SUDS3: variants seen among roughly 807,000 people sequenced by gnomAD.
SUDS3 encodes the protein sin3 histone deacetylase corepressor complex component SDS3.
In SUDS3, 23 loss-of-function variants were observed where a neutral mutation model predicts 53.5. That is an observed-to-expected ratio of 0.43 (90% CI 0.31 to 0.61). The LOEUF is 0.61. Ranked by LOEUF, SUDS3 falls within the 20% of genes least tolerant of loss-of-function variation. SUDS3 has a pLI of 0.10. For synonymous variants in SUDS3, 150 were observed against 148.5 expected (o/e 1.01, Z -0.08); for missense variants, 291 against 405.9 (o/e 0.72, Z 2.43).
At chr12:118,376,968 GC>G in intron 1 of SUDS3, 135 bp downstream of exon 1, 1 of 1,185,928 alleles carries the variant, frequency 8.4e-7, no homozygotes, top group Non-Finnish European at 1.1e-6. Flanking sequence ...GAGTTGCGGG[GC>G]TCGGGGAAGT....
intron 2 of SUDS3, among the ~76,000 whole-genome samples, chr12:118,383,039 C>T (rs540911350): frequency 6.6e-6 from 1 of 152,152 alleles, no homozygotes; most frequent in Non-Finnish European, 1.5e-5. Context: ...AAGGGGAAAT[C>T]TAAAGTGCAT....
intron 10 of SUDS3, 26 bp downstream of exon 10, chr12:118,403,543 G>A (rs2046283140): frequency 6.3e-7 from 1 of 1,578,714 alleles, no homozygotes; most frequent in Admixed American, 1.7e-5. Flanking sequence ...ACCTGGACTA[G>A]TAAGAGTCTC....
chr12:118,386,232 A>G (rs919209698), intron 4 of SUDS3, 47 bp downstream of exon 4: 1 of 1,474,202 alleles, frequency 6.8e-7, no homozygotes, highest in East Asian at 2.4e-5. Context: ...ATGTTTGACC[A>G]TTTGCCGATC....
chr12:118,390,947 C>A, intron 5 of SUDS3, 179 bp from the exon 6 acceptor site: 1 of 745,782 alleles, frequency 1.3e-6, no homozygotes, highest in African/African-American at 1.7e-5. Flanking sequence ...AAGCAAAAGT[C>A]ACGTGGGTCT....
intron 1 of SUDS3, 42 bp from the exon 2 acceptor site, chr12:118,380,120 A>G (rs1390400110): frequency 2.0e-6 from 3 of 1,537,670 alleles, no homozygotes; most frequent in Non-Finnish European, 2.7e-6. Context: ...CAACTCCGTG[A>G]ATTATGATTT....
At chr12:118,393,029 C>T (rs2046181756) in intron 6 of SUDS3, among the ~76,000 whole-genome samples, 1 of 152,154 alleles carries the variant, frequency 6.6e-6, no homozygotes, top group Non-Finnish European at 1.5e-5. Flanking sequence ...TTAAAGCTAG[C>T]CATGGGCATT....
intron 1 of SUDS3, among the ~76,000 whole-genome samples, chr12:118,377,742 CAAAG>C (rs759510366): frequency 8.7e-4 from 133 of 152,218 alleles, no homozygotes; most frequent in Non-Finnish European, 1.6e-3. Flanking sequence ...AAATAGGAAA[CAAAG>C]AGAGACCGAT....
chr12:118,391,330 G>A (rs764198434), intron 6 of SUDS3, 48 bp downstream of exon 6: 7 of 1,554,818 alleles, frequency 4.5e-6, no homozygotes, highest in Admixed American at 4.1e-5. Flanking sequence ...GAGCGGGGGG[G>A]TGTGAAGGGC....
At chr12:118,412,251 C>G (rs1158780635) in intron 11 of SUDS3, among the ~76,000 whole-genome samples, 1 of 152,200 alleles carries the variant, frequency 6.6e-6, no homozygotes, top group East Asian at 1.9e-4. Flanking sequence ...AAGTTAAAAA[C>G]TTTAATAGCT....
At chr12:118,394,221 C>T (rs1055249321) in intron 6 of SUDS3, among the ~76,000 whole-genome samples, 12 of 152,128 alleles carry the variant, frequency 7.9e-5, no homozygotes, top group Admixed American at 2.6e-4. Flanking sequence ...GAACCTACTG[C>T]AGAGGGTAGA....
chr12:118,385,279 T>C (rs1434687877), intron 3 of SUDS3, among the ~76,000 whole-genome samples: 2 of 152,146 alleles, frequency 1.3e-5, no homozygotes. Context: ...CGGCTAATTT[T>C]TGTATTTTTA....
At chr12:118,401,076 C>T (rs2046258897) in intron 7 of SUDS3, among the ~76,000 whole-genome samples, 1 of 152,166 alleles carries the variant, frequency 6.6e-6, no homozygotes, top group East Asian at 1.9e-4. Flanking sequence ...AATTTTTTCA[C>T]CTGTAATTTT....
intron 11 of SUDS3, among the ~76,000 whole-genome samples, chr12:118,414,121 G>A (rs536008638): frequency 3.9e-5 from 6 of 152,312 alleles, no homozygotes; most frequent in Admixed American, 2.0e-4. Flanking sequence ...GCTGAGAAAC[G>A]AGTTCAAGGC....
In SUDS3 at chr12:118,403,405, C is replaced by G; in HGVS notation, c.698-7C>G. On this transcript the variant is annotated splice_region_variant and splice_polypyrimidine_tract_variant and intron_variant, in intron 9 of 11. Transcript: ENST00000543473. ...TTCTTAGTCACGTAAGTATTGGTTTCCTCCAGCATCTCCATCCTCTCCTGA... is the reference window on the plus strand; with the variant it reads ...TTCTTAGTCACGTAAGTATTGGTTTGCTCCAGCATCTCCATCCTCTCCTGA... 3 of 1,611,302 alleles carry G rather than the reference C, an allele frequency of 1.9e-6. No homozygotes were observed. The South Asian group carries it at 3.3e-5, about 18-fold the overall frequency.
intron 11 of SUDS3, among the ~76,000 whole-genome samples, chr12:118,411,703 AC>A (rs1362431455): frequency 1.3e-5 from 2 of 151,894 alleles, no homozygotes; most frequent in Non-Finnish European, 2.9e-5. Context: ...GGGTTTCACC[AC>A]GTTGGTCAGG....
chr12:118,401,341 G>A lies in SUDS3; in HGVS notation c.614-418G>A, dbSNP rs1184745257. ...GGCTTAGTCATTTGTGTACCATCAG[G>A]AAAGGGCATAACTTCAGGTTGCTTC... On this transcript the variant is annotated intron_variant, in intron 7 of 11. Transcript: ENST00000543473. Among the ~76,000 whole-genome samples the A allele has an allele frequency of 3.3e-5, 5 of 152,208 alleles. No homozygotes were observed. In the East Asian group the frequency reaches 9.6e-4, roughly 29 times the overall value.
intron 2 of SUDS3, among the ~76,000 whole-genome samples, chr12:118,380,965 A>C (rs1419329747): frequency 1.3e-5 from 2 of 152,108 alleles, no homozygotes; most frequent in African/African-American, 4.8e-5. Flanking sequence ...GGCCTTCCAA[A>C]GTGCTGGGAT....
chr12:118,397,168 A>G (rs73205594), intron 6 of SUDS3, among the ~76,000 whole-genome samples: 17,489 of 152,088 alleles, frequency 0.11, 1,274 homozygotes, highest in Middle Eastern at 0.19. Flanking sequence ...GAGTTTTTTT[A>G]TGGTTGGTGC....
rs1566201049 is a variant in SUDS3 at position 118,391,329 on chromosome 12, G to GC, written c.517+47_517+48insC. On this transcript the variant is annotated intron_variant, in intron 6 of 11. Coordinates refer to ENST00000543473, the MANE Select transcript of SUDS3 (RefSeq NM_022491.3). ...GGATCTTGGGGGCCCTGAGCGGGGG[G>GC]GTGTGAAGGGCTGTTCCAGTTACTT... is the stretch of plus-strand genomic sequence containing the variant. 5 of 1,554,796 alleles carry GC rather than the reference G, an allele frequency of 3.2e-6. No individual in the cohort carries two copies. The South Asian group carries it at 6.2e-5, about 19-fold the overall frequency.
Sources: allele counts gnomAD v4.1 joint callset (sites outside exome capture counted in the v4.1 genomes callset), GRCh38; gene constraint gnomAD v4.1.1; transcripts MANE v1.5; gene names NCBI Gene and HGNC (gene_info 2026-07-23, HGNC 2026-07-21).